OLFML2B: variants seen among roughly 807,000 people sequenced by gnomAD.
The protein encoded by OLFML2B is olfactomedin like 2B, also known as olfactomedin-like protein 2B.
In OLFML2B, 57 loss-of-function variants were observed where a neutral mutation model predicts 74.9. That is an observed-to-expected ratio of 0.76 (90% CI 0.61 to 0.95). The LOEUF is 0.95. Ranked by LOEUF, OLFML2B falls within the 40% of genes least tolerant of loss-of-function variation. The probability of loss-of-function intolerance (pLI) is 0.00; values close to 1 mark genes in which losing one functional copy is unlikely to be tolerated. For synonymous variants in OLFML2B, 388 were observed against 405.8 expected (o/e 0.96, Z 0.53); for missense variants, 986 against 970.6 (o/e 1.02, Z -0.21).
At chr1:162,010,306 AG>A (rs1243058994) in intron 3 of OLFML2B, among the ~76,000 whole-genome samples, 1 of 152,206 alleles carries the variant, frequency 6.6e-6, no homozygotes, top group Non-Finnish European at 1.5e-5. Context: ...TGGGCACTGG[AG>A]GGTGCCTGAT....
intron 1 of OLFML2B, among the ~76,000 whole-genome samples, chr1:162,022,244 CTTTTTTTTTTTTTT>C (rs56395023): frequency 0.027 from 1,884 of 70,842 alleles, 47 homozygotes; most frequent in Middle Eastern, 0.19. Flanking sequence ...TGTATCTCTT[CTTTTTTTTTTTTTT>C]TTTTTTTTTT....
intron 6 of OLFML2B, among the ~76,000 whole-genome samples, chr1:161,987,577 T>C (rs1689625310): frequency 6.6e-6 from 1 of 152,200 alleles, no homozygotes; most frequent in Non-Finnish European, 1.5e-5. Context: ...CTCAAGCCTC[T>C]GGAAAGAACC....
At chr1:162,006,919 A>G (rs1178122268) in intron 3 of OLFML2B, among the ~76,000 whole-genome samples, 1 of 152,144 alleles carries the variant, frequency 6.6e-6, no homozygotes, top group Non-Finnish European at 1.5e-5. Context: ...GAGGTGGCCA[A>G]ACAAACAAAA....
intron 3 of OLFML2B, among the ~76,000 whole-genome samples, chr1:162,017,128 A>C (rs1690561999): frequency 6.6e-6 from 1 of 152,228 alleles, no homozygotes; most frequent in African/African-American, 2.4e-5. Context: ...CCTGGAAGTC[A>C]AGGTAAAAAT....
chr1:161,992,320 T>G (rs1689763873), intron 6 of OLFML2B, among the ~76,000 whole-genome samples: 1 of 152,266 alleles, frequency 6.6e-6, no homozygotes, highest in Admixed American at 6.5e-5. Flanking sequence ...GGAATTTTGC[T>G]TAAGGGAATG....
At chr1:162,005,611 G>A (rs1050861396) in intron 4 of OLFML2B, among the ~76,000 whole-genome samples, 1 of 152,264 alleles carries the variant, frequency 6.6e-6, no homozygotes, top group South Asian at 2.1e-4. Context: ...CCATGCCAGG[G>A]CCAGGTACAG....
chr1:162,009,279 T>C (rs748734285), intron 3 of OLFML2B, among the ~76,000 whole-genome samples: 29 of 152,006 alleles, frequency 1.9e-4, no homozygotes, highest in Non-Finnish European at 2.6e-4. Context: ...GACTGAGGAG[T>C]GTCCACACCT....
chr1:161,990,333 G>C (rs1214214318), intron 6 of OLFML2B, among the ~76,000 whole-genome samples: 3 of 152,214 alleles, frequency 2.0e-5, no homozygotes, highest in African/African-American at 7.2e-5. Flanking sequence ...ATTCATGCTA[G>C]TAAATTAAAT....
intron 6 of OLFML2B, among the ~76,000 whole-genome samples, chr1:161,990,232 T>C (rs1367911224): frequency 6.6e-6 from 1 of 152,244 alleles, no homozygotes; most frequent in Non-Finnish European, 1.5e-5. Flanking sequence ...AAATATGAAA[T>C]GAGTCATTTT....
intron 6 of OLFML2B, among the ~76,000 whole-genome samples, chr1:161,985,770 G>A (rs997368893): frequency 6.6e-6 from 1 of 152,154 alleles, no homozygotes; most frequent in Non-Finnish European, 1.5e-5. Context: ...GTAACTGGGG[G>A]GCAAGATACC....
intron 6 of OLFML2B, among the ~76,000 whole-genome samples, chr1:161,987,468 C>A (rs929255831): frequency 1.3e-5 from 2 of 151,972 alleles, no homozygotes; most frequent in African/African-American, 4.8e-5. Flanking sequence ...GAGGAGGAAG[C>A]AATGTGATGA....
Position 162,006,459 on chromosome 1 carries a change from G to T in OLFML2B, c.561C>A (p.Asn187Lys), listed in dbSNP as rs563108935. Residue 187 changes from asparagine (N) to lysine (K), a missense_variant, in exon 4 of 8, where the codon AAC becomes AAA. By Grantham distance (94) the Asn-to-Lys change is moderately conservative. Transcript: ENST00000294794. ...VDKLEEEVSK[N>K]LTKENEQIKE... Reference sequence around the variant, plus strand: ...TGATTTGTTCATTTTCCTTGGTGAGGTTTTTAGACACTTCCTGAGAAGGAA... The same window carrying T: ...TGATTTGTTCATTTTCCTTGGTGAGTTTTTTAGACACTTCCTGAGAAGGAA... 84 of 1,567,782 alleles carry T rather than the reference G, an allele frequency of 5.4e-5. No homozygotes were observed. In the South Asian group the frequency reaches 9.3e-4, roughly 17 times the overall value.
At chr1:161,987,048 C>T (rs757120783) in intron 6 of OLFML2B, among the ~76,000 whole-genome samples, 2 of 152,252 alleles carry the variant, frequency 1.3e-5, no homozygotes, top group African/African-American at 2.4e-5. Flanking sequence ...GTGGCAGGGC[C>T]CTAATGCTGG....
intron 3 of OLFML2B, among the ~76,000 whole-genome samples, chr1:162,009,982 A>G (rs571772714): frequency 6.6e-6 from 1 of 152,336 alleles, no homozygotes; most frequent in African/African-American, 2.4e-5. Context: ...AGCTGCAACC[A>G]TGACATTTCT....
At position 162,000,136 on chromosome 1, in the gene OLFML2B, TC is replaced by T; in HGVS notation, c.925del (p.Glu309LysfsTer22). 6.2e-7 allele frequency: 1 copy of T among 1,604,574 alleles called. No individual in the cohort carries two copies. ...ITYYKAKVSE[E>X]ENDIEEQQDE... ...ACGCTGCTCTTCAATGTCATTCTCT[TC>T]TTCAGAGACCTTGGCTTTATAGTAG... On this transcript the variant is annotated frameshift_variant, in exon 5 of 8. Coordinates refer to ENST00000294794, the MANE Select transcript of OLFML2B (RefSeq NM_015441.3). LOFTEE classifies it high-confidence loss of function.
chr1:161,993,155 A>G (rs964710026), intron 6 of OLFML2B, among the ~76,000 whole-genome samples: 1 of 152,200 alleles, frequency 6.6e-6, no homozygotes, highest in Non-Finnish European at 1.5e-5. Context: ...TCGGCATGGC[A>G]CTTTTCCCCT....
At chr1:162,015,575 C>T (rs1690505369) in intron 3 of OLFML2B, among the ~76,000 whole-genome samples, 1 of 152,238 alleles carries the variant, frequency 6.6e-6, no homozygotes, top group South Asian at 2.1e-4. Flanking sequence ...GGGCATTGCA[C>T]ATTTGGATGG....
rs181169656 is a variant in OLFML2B, at chr1:161,990,108, G to A, written c.1475-5128C>T. 3.9e-5 allele frequency among the ~76,000 whole-genome samples: 6 copies of A among 152,306 alleles called. No individual in the cohort carries two copies. The East Asian group carries it at 1.2e-3, about 29-fold the overall frequency. On this transcript the variant is annotated intron_variant, in intron 6 of 7. Transcript: ENST00000294794. ...CCTCACTCAGTAAGCTGAAGGCAGGGAGTGTTGTTAAAATGTTCATATATC... is the reference window on the plus strand; with the variant it reads ...CCTCACTCAGTAAGCTGAAGGCAGGAAGTGTTGTTAAAATGTTCATATATC...
chr1:162,006,255 C>A, intron 4 of OLFML2B, 42 bp downstream of exon 4: 1 of 1,505,956 alleles, frequency 6.6e-7, no homozygotes, highest in South Asian at 1.4e-5. Flanking sequence ...TATCACACTT[C>A]CAGGGCTTGT....
Sources: gnomAD v4.1 joint callset for allele counts (sites outside exome capture counted in the v4.1 genomes callset) on GRCh38, gnomAD v4.1.1 for gene constraint, MANE v1.5 for transcripts, NCBI Gene and HGNC (gene_info 2026-07-23, HGNC 2026-07-21) for gene names.